Variants in SUPT3H observed in about 807,000 individuals in gnomAD.
The protein encoded by SUPT3H is transcription initiation protein SPT3 homolog.
In SUPT3H, 44 loss-of-function variants were observed where a neutral mutation model predicts 44.3. The observed-to-expected ratio is 0.99, with a 90% CI of 0.78 to 1.28. SUPT3H has a LOEUF of 1.28. Among genes scored for constraint, SUPT3H ranks in the 50% most tolerant of loss-of-function variants. The pLI is 0.00. For missense variants in SUPT3H, 380 were observed against 387.1 expected (o/e 0.98, Z 0.15); for synonymous variants, 124 against 125.6 (o/e 0.99, Z 0.09).
At chr6:45,065,497 C>G (rs1319845264) in intron 3 of SUPT3H, among the ~76,000 whole-genome samples, 1 of 151,296 alleles carries the variant, frequency 6.6e-6, no homozygotes, top group East Asian at 1.9e-4. Flanking sequence ...ACAAAAAACC[C>G]TTCAAAAATC....
chr6:45,182,216 CT>C (rs1207723685), intron 2 of SUPT3H, among the ~76,000 whole-genome samples: 13 of 152,092 alleles, frequency 8.5e-5, no homozygotes, highest in Admixed American at 7.9e-4. Context: ...TCCCATAGAG[CT>C]TATAGAGAAA....
chr6:45,193,385 TA>T (rs1315623501), intron 2 of SUPT3H, among the ~76,000 whole-genome samples: 2 of 152,156 alleles, frequency 1.3e-5, no homozygotes, highest in Admixed American at 6.6e-5. Flanking sequence ...TTTGACTTTT[TA>T]AAATCAAAGC....
At chr6:45,062,769 G>A (rs1356044274) in intron 3 of SUPT3H, among the ~76,000 whole-genome samples, 2 of 152,064 alleles carry the variant, frequency 1.3e-5, no homozygotes, top group African/African-American at 2.4e-5. Context: ...AAAAAGCGGC[G>A]AACCATGAGA....
intron 3 of SUPT3H, among the ~76,000 whole-genome samples, chr6:45,023,376 C>T (rs1971482): frequency 0.34 from 50,984 of 151,748 alleles, 9,485 homozygotes; most frequent in Non-Finnish European, 0.41. Flanking sequence ...TATGGTGATT[C>T]CTCAGAGCTA....
At chr6:45,368,624 T>C (rs543356069) in intron 1 of SUPT3H, among the ~76,000 whole-genome samples, 1 of 152,260 alleles carries the variant, frequency 6.6e-6, no homozygotes, top group African/African-American at 2.4e-5. Context: ...TACTAGTTTC[T>C]GCACCCTCCA....
chr6:45,264,494 T>C lies in SUPT3H; in HGVS notation c.101+100707A>G, dbSNP rs72858536. Among the ~76,000 whole-genome samples the C allele has an allele frequency of 6.4e-3, 982 of 152,254 alleles. 4 individuals carry two copies. Among genetic ancestry groups the C allele is most frequent in the South Asian group, 0.022 (107 of 4,830 alleles). ...GGCCAACATGGTGAAACAATGTCTCTACTTAGAGTACAAAAATTAGCCAGG... is the reference window on the plus strand; with the variant it reads ...GGCCAACATGGTGAAACAATGTCTCCACTTAGAGTACAAAAATTAGCCAGG... On this transcript the variant is annotated intron_variant, in intron 2 of 10. Transcript: ENST00000371459.
Position 45,043,181 on chromosome 6 carries a change from A to AC in SUPT3H, c.187-22550_187-22549insG, listed in dbSNP as rs1418702105. Among the ~76,000 whole-genome samples the AC allele has an allele frequency of 1.0e-3, 147 of 145,106 alleles. 2 individuals carry two copies. Among genetic ancestry groups the AC allele is most frequent in the African/African-American group, 3.3e-3 (132 of 40,342 alleles). ...CACACACACACACACGCACACACAC[A>AC]AACACCAAAACCAAGGCAAATTACA... On this transcript the variant is annotated intron_variant, in intron 3 of 10. Coordinates refer to ENST00000371459, the MANE Select transcript of SUPT3H (RefSeq NM_003599.4).
At chr6:44,943,186 T>A (rs1390900061) in intron 9 of SUPT3H, among the ~76,000 whole-genome samples, 1 of 148,438 alleles carries the variant, frequency 6.7e-6, no homozygotes, top group Non-Finnish European at 1.5e-5. Flanking sequence ...AAATGGAAAC[T>A]ATAAAAAATC....
At chr6:45,317,812 T>C (rs1279552625) in intron 2 of SUPT3H, among the ~76,000 whole-genome samples, 3 of 152,040 alleles carry the variant, frequency 2.0e-5, no homozygotes, top group Non-Finnish European at 4.4e-5. Flanking sequence ...CCAAAAGAAC[T>C]GGCAACAAAA....
At chr6:45,194,073 A>G (rs1423928301) in intron 2 of SUPT3H, among the ~76,000 whole-genome samples, 2 of 152,146 alleles carry the variant, frequency 1.3e-5, no homozygotes, top group African/African-American at 4.8e-5. Context: ...TTTGTTGATC[A>G]TTATTAGCAG....
chr6:45,056,214 C>T (rs1353547790), intron 3 of SUPT3H, among the ~76,000 whole-genome samples: 1 of 152,108 alleles, frequency 6.6e-6, no homozygotes. Context: ...GAAAAGGGAA[C>T]ACTTTTACAC....
intron 6 of SUPT3H, among the ~76,000 whole-genome samples, chr6:44,970,049 C>T (rs1355503331): frequency 6.6e-6 from 1 of 151,948 alleles, no homozygotes; most frequent in Non-Finnish European, 1.5e-5. Flanking sequence ...AGAGTTGTTT[C>T]AAAATATTGA....
At chr6:45,276,698 G>A (rs1173845845) in intron 2 of SUPT3H, among the ~76,000 whole-genome samples, 2 of 152,080 alleles carry the variant, frequency 1.3e-5, no homozygotes, top group Non-Finnish European at 2.9e-5. Context: ...CTCCCATTAT[G>A]AGGAGAACAC....
chr6:44,830,587 T>C (rs545509267), intron 10 of SUPT3H, among the ~76,000 whole-genome samples: 5 of 152,256 alleles, frequency 3.3e-5, no homozygotes, highest in Non-Finnish European at 7.4e-5. Flanking sequence ...CATTTCAGTG[T>C]TGGGAGACCT....
intron 2 of SUPT3H, among the ~76,000 whole-genome samples, chr6:45,160,656 G>A (rs535930983): frequency 4.4e-4 from 67 of 151,944 alleles, no homozygotes; most frequent in Admixed American, 1.6e-3. Context: ...AGTGAGGAAG[G>A]TAGAGTAAAA....
intron 2 of SUPT3H, among the ~76,000 whole-genome samples, chr6:45,213,828 A>G (rs1475693388): frequency 1.3e-5 from 2 of 151,992 alleles, no homozygotes; most frequent in Non-Finnish European, 2.9e-5. Flanking sequence ...TTATTACCAA[A>G]TCTCTATCAT....
At chr6:45,044,975 A>G (rs1789144122) in intron 3 of SUPT3H, among the ~76,000 whole-genome samples, 1 of 152,210 alleles carries the variant, frequency 6.6e-6, no homozygotes. Flanking sequence ...TCTCTAAGGT[A>G]GCAGTTCTCA....
intron 2 of SUPT3H, among the ~76,000 whole-genome samples, chr6:45,164,538 C>T (rs926103493): frequency 1.3e-5 from 2 of 152,064 alleles, no homozygotes; most frequent in Non-Finnish European, 2.9e-5. Flanking sequence ...CGTTAGTCAA[C>T]CTACAAGTGT....
intron 2 of SUPT3H, among the ~76,000 whole-genome samples, chr6:45,304,144 T>C (rs1274409509): frequency 6.6e-6 from 1 of 152,196 alleles, no homozygotes; most frequent in Non-Finnish European, 1.5e-5. Flanking sequence ...ACAAAGTGGA[T>C]GCTTTATAAA....
Sources: allele counts gnomAD v4.1 joint callset (sites outside exome capture counted in the v4.1 genomes callset), GRCh38; gene constraint gnomAD v4.1.1; transcripts MANE v1.5; gene names NCBI Gene and HGNC (gene_info 2026-07-23, HGNC 2026-07-21).